ZMYM3: variants seen among roughly 807,000 people sequenced by gnomAD.
ZMYM3 encodes zinc finger MYM-type protein 3.
Under a neutral mutation model 94.2 loss-of-function variants are expected in ZMYM3, and 6 were observed. The observed-to-expected ratio is 0.06, with a 90% CI of 0.03 to 0.13. The LOEUF (loss-of-function observed/expected upper bound fraction) is 0.13, where lower values mean the gene tolerates loss of function less well. ZMYM3 is among the 10% of genes least tolerant of loss of function. The pLI is 1.00. For missense variants in ZMYM3, 664 were observed against 1,132.6 expected (o/e 0.59, Z 5.94); for synonymous variants, 420 against 426.5 (o/e 0.98, Z 0.19).
intron 6 of ZMYM3, 64 bp from the exon 7 acceptor site, chrX:71,249,743 G>A: frequency 8.6e-7 from 1 of 1,163,102 alleles, no homozygotes; most frequent in Non-Finnish European, 1.1e-6. Context: ...CCAATGCAAG[G>A]TCAGCCCCCC....
chrX:71,250,056 A>G lies in ZMYM3; in HGVS notation c.1221T>C (p.Thr407=), dbSNP rs1453894283. 5 of 1,192,669 alleles carry G rather than the reference A, an allele frequency of 4.2e-6. No homozygotes were observed. The South Asian group carries it at 9.4e-5, about 22-fold the overall frequency. ...IPQSGDPADA[T]RCSICQKTGE... is the part of the protein sequence containing the mutation. ...CAGTCTTCTGGCATATGCTGCAGCG[A>G]GTAGCGTCGGCGGGATCCCCAGACT... The change falls in exon 6 of 25, where the codon ACT becomes ACC. Residue 407 remains threonine (T), a synonymous_variant. Coordinates refer to ENST00000314425, the MANE Select transcript of ZMYM3 (RefSeq NM_201599.3).
chrX:71,242,608 T>G (rs778763954), intron 22 of ZMYM3, among the ~76,000 whole-genome samples, 184 bp from the exon 23 acceptor site: 1 of 112,169 alleles, frequency 8.9e-6, no homozygotes, highest in African/African-American at 3.2e-5. Flanking sequence ...CTTTAAAAAA[T>G]ATATACTTTC....
intron 4 of ZMYM3, 79 bp from the exon 5 acceptor site, chrX:71,250,805 C>T: frequency 2.0e-6 from 2 of 980,692 alleles, no homozygotes; most frequent in South Asian, 4.7e-5. Flanking sequence ...AGTTCAGTCC[C>T]TCTCCTGGGA....
At position 71,252,615 on chromosome X, in the gene ZMYM3, C is replaced by A. The variant is rs756533453; in HGVS notation, c.641G>T (p.Ser214Ile). The A allele has an allele frequency of 1.8e-6, 2 of 1,137,525 alleles. No individual in the cohort carries two copies. Among genetic ancestry groups the A allele is most frequent in the Admixed American group, 6.1e-5 (2 of 32,696 alleles). The allele number at this position is 1,137,525 out of a possible 1,213,427, so 93.7% of individuals were successfully genotyped here. ...TGGCAAGGAAGGATGTGCAGGGGGGCTAGAGCCCCCAGGTTTGGTCTGAGA... is the reference window on the plus strand; with the variant it reads ...TGGCAAGGAAGGATGTGCAGGGGGGATAGAGCCCCCAGGTTTGGTCTGAGA... ...NSSQTKPGGS[S>I]PPAHPSLPGD... Residue 214 changes from serine to isoleucine, a missense_variant, in exon 2 of 25, where the codon AGC becomes ATC. By Grantham distance (142) the Ser-to-Ile change is moderately radical. Coordinates refer to ENST00000314425, the MANE Select transcript of ZMYM3 (RefSeq NM_201599.3).
rs769541959 is a variant in ZMYM3, at chrX:71,245,999, G to A, written c.2672C>T (p.Ser891Leu). The change falls in exon 16 of 25, where the codon TCG (serine) becomes TTG (leucine). Residue 891 changes from serine (S) to leucine (L), a missense_variant. Ser to Leu is a moderately radical substitution (Grantham distance 145, BLOSUM62 -2). Around this residue, in one of 9 missense-constraint regions of ZMYM3, gnomAD observed 4 missense variants for 42.2 expected, o/e 0.09. Coordinates refer to ENST00000314425, the MANE Select transcript of ZMYM3 (RefSeq NM_201599.3). ...LYCQKVPVPF[S>L]MPIPVPVPMF... is the part of the protein sequence containing the mutation. ...AGGGAAACTCACCGGGATAGGCATCGAGAAAGGCACCGGGACTTTCTGGCA... is the reference window on the plus strand; with the variant it reads ...AGGGAAACTCACCGGGATAGGCATCAAGAAAGGCACCGGGACTTTCTGGCA... 2.5e-6 allele frequency: 3 copies of A among 1,208,328 alleles called. 1 individual carries two copies. Among genetic ancestry groups the A allele is most frequent in the Admixed American group, 4.4e-5 (2 of 45,615 alleles).
At chrX:71,247,591 C>G in intron 12 of ZMYM3, 81 bp from the exon 13 acceptor site, 1 of 1,151,719 alleles carries the variant, frequency 8.7e-7, no homozygotes, top group Admixed American at 2.4e-5. Context: ...AAGCCATGCT[C>G]CTCCCCTTGG....
chrX:71,241,454 T>C (rs2029943867), intron 23 of ZMYM3, 110 bp from the exon 24 acceptor site: 1 of 566,837 alleles, frequency 1.8e-6, no homozygotes, highest in Non-Finnish European at 2.7e-6. Context: ...CAAATTACAG[T>C]CTCATCAAGA....
Position 71,252,765 on chromosome X carries a change from G to C in ZMYM3, c.491C>G (p.Ser164Cys), listed in dbSNP as rs1163316100. ...GGAGCCCCTTCTTGCAGTAGCTATG[G>C]AGGTGGTCTCCTCCTCTTCAATATG... is the stretch of plus-strand genomic sequence containing the variant. ...SPHIEEEETT[S>C]IATARRGSPG... The change falls in exon 2 of 25, where the codon TCC (serine) becomes TGC (cysteine). Residue 164 changes from serine to cysteine, a missense_variant. By Grantham distance (112) the Ser-to-Cys change is moderately radical. Coordinates refer to ENST00000314425, the MANE Select transcript of ZMYM3 (RefSeq NM_201599.3). 5 of 1,210,708 alleles carry C rather than the reference G, an allele frequency of 4.1e-6. No homozygotes were observed. Among genetic ancestry groups the C allele is most frequent in the Non-Finnish European group, 5.6e-6 (5 of 895,301 alleles).
chrX:71,242,232 C>T lies in ZMYM3; in HGVS notation c.3740G>A (p.Arg1247Gln), dbSNP rs943599196. The change falls in exon 23 of 25, where the codon CGG becomes CAG. Residue 1247 changes from arginine to glutamine, a missense_variant. Arg to Gln is a conservative substitution (Grantham distance 43). Coordinates refer to ENST00000314425, the MANE Select transcript of ZMYM3 (RefSeq NM_201599.3). ...GATGCTCACCACCTTGGTGGTGCCC[C>T]GAGGGGTGGTACACTTGCGGGACTG... is the stretch of plus-strand genomic sequence containing the variant. ...VRQSRKCTTP[R>Q]GTTKVVSIRY... is the part of the protein sequence containing the mutation. 3.3e-6 allele frequency: 4 copies of T among 1,203,360 alleles called. No homozygotes were observed. Among genetic ancestry groups the T allele is most frequent in the East Asian group, 3.0e-5 (1 of 33,461 alleles).
At position 71,242,176 on chromosome X, in the gene ZMYM3, C is replaced by T. The variant is rs1316227219; in HGVS notation, c.3796G>A (p.Gly1266Arg). Reference sequence around the variant, plus strand: ...GGAGGGGGCAGCCTCGTACCTCGCCCTTTCCTCTGGCGGACTGGGGCATAG... The same window carrying T: ...GGAGGGGGCAGCCTCGTACCTCGCCTTTTCCTCTGGCGGACTGGGGCATAG... ...RYYAPVRQRK[G>R]RDTGPGKRKR... Residue 1266 changes from glycine to arginine, a missense_variant, in exon 23 of 25, where the codon GGG (glycine) becomes AGG (arginine). Gly to Arg is a moderately radical substitution (Grantham distance 125). Around this residue, in one of 9 missense-constraint regions of ZMYM3, gnomAD observed 58 missense variants for 112.4 expected, o/e 0.52. Transcript: ENST00000314425. 1.7e-6 allele frequency: 2 copies of T among 1,182,683 alleles called. No individual in the cohort carries two copies. The highest frequency in any genetic ancestry group is 2.3e-6 in the Non-Finnish European group (2 of 881,291).
In ZMYM3 at chrX:71,249,650, C is replaced by T; in HGVS notation, c.1281G>A (p.Val427=). The T allele has an allele frequency of 8.3e-7, 1 of 1,211,478 alleles. No homozygotes were observed. The highest frequency in any genetic ancestry group is 1.1e-6 in the Non-Finnish European group (1 of 895,389). The change falls in exon 7 of 25, where the codon GTG becomes GTA. Residue 427 remains valine (V), a synonymous_variant. Transcript: ENST00000314425. ...EVLHEVSNGS[V]VHRLCSDSCF... is the part of the protein sequence containing the mutation. Reference sequence around the variant, plus strand: ...AAGAATCGCTGCAGAGCCGGTGTACCACGCTGCCATTGCTGACCTCGTGCA... The same window carrying T: ...AAGAATCGCTGCAGAGCCGGTGTACTACGCTGCCATTGCTGACCTCGTGCA...
In ZMYM3 at chrX:71,248,810, TAGAGAGAAAGAG is replaced by T; in HGVS notation, c.1622-21_1622-10del. On this transcript the variant is annotated splice_polypyrimidine_tract_variant and intron_variant, in intron 8 of 24. Coordinates refer to ENST00000314425, the MANE Select transcript of ZMYM3 (RefSeq NM_201599.3). ...GCAGGGTCGGGGAGGGCCTGGGGCA[TAGAGAGAAAGAG>T]AGAGAGGAAAAGAGAAAGAGAGAGG... 6 of 1,174,324 alleles carry T rather than the reference TAGAGAGAAAGAG, an allele frequency of 5.1e-6. No homozygotes were observed. Among genetic ancestry groups the T allele is most frequent in the Non-Finnish European group, 6.9e-6 (6 of 871,286 alleles).
intron 2 of ZMYM3, 93 bp downstream of exon 2, chrX:71,252,496 T>C: frequency 2.1e-6 from 2 of 935,349 alleles, no homozygotes; most frequent in Non-Finnish European, 2.8e-6. Context: ...CTCTCCACCC[T>C]CCTCCTCCCC....
At chrX:71,246,316 G>A in intron 15 of ZMYM3, 37 bp downstream of exon 15, 1 of 1,209,403 alleles carries the variant, frequency 8.3e-7, no homozygotes, top group Non-Finnish European at 1.1e-6. Flanking sequence ...CTAGGACTCT[G>A]GAATACAGCC....
In ZMYM3 at chrX:71,245,725, T is replaced by C; in HGVS notation, c.2803A>G (p.Met935Val). 1 of 1,211,716 alleles carries C rather than the reference T, an allele frequency of 8.3e-7. No individual in the cohort carries two copies. The highest frequency in any genetic ancestry group is 1.1e-6 in the Non-Finnish European group (1 of 895,496). The change falls in exon 17 of 25, where the codon ATG (methionine) becomes GTG (valine). Residue 935 changes from methionine to valine, a missense_variant. Physicochemically the swap from Met to Val is conservative, Grantham distance 21. This residue lies in a region of ZMYM3 where 75 missense variants were observed against 152.5 expected (regional missense o/e 0.49). Transcript: ENST00000314425. ...SNPLEADILA[M>V]AEMIAEAEEL... ...TCAGCCTCTGCAATCATTTCTGCCA[T>C]AGCCAGGATGTCGGCCTCCAAGGGG...
At position 71,251,582 on chromosome X, in the gene ZMYM3, C is replaced by T; in HGVS notation, c.687G>A (p.Lys229=). 1 of 1,193,584 alleles carries T rather than the reference C, an allele frequency of 8.4e-7. No homozygotes were observed. Among genetic ancestry groups the T allele is most frequent in the Non-Finnish European group, 1.1e-6 (1 of 886,400 alleles). The change falls in exon 3 of 25, where the codon AAG becomes AAA. Residue 229 remains lysine, a synonymous_variant. Transcript: ENST00000314425. The part of the protein sequence containing the change: ...PSLPGDGLTA[K]ASEKPPERKR... ...CCCGTTCAGGCGGCTTCTCACTCGC[C>T]TTCGCAGTCAGGCCATCTCCTGCAA...
intron 23 of ZMYM3, 86 bp downstream of exon 23, chrX:71,242,084 C>T (rs111603266): frequency 8.9e-7 from 1 of 1,118,908 alleles, no homozygotes. Flanking sequence ...AGAGGGCCGA[C>T]CTGGCAGGTA....
intron 2 of ZMYM3, among the ~76,000 whole-genome samples, chrX:71,252,366 T>C (rs1488872293): frequency 1.9e-5 from 2 of 104,346 alleles, no homozygotes; most frequent in African/African-American, 3.5e-5. Flanking sequence ...CCTGAAACCT[T>C]ACCCCATTCC....
chrX:71,249,060 C>A lies in ZMYM3; in HGVS notation c.1580G>T (p.Cys527Phe). The change falls in exon 8 of 25, where the codon TGC becomes TTC. Residue 527 changes from cysteine to phenylalanine, a missense_variant. By Grantham distance (205) the Cys-to-Phe change is radical (BLOSUM62 -2). Around this residue, in one of 9 missense-constraint regions of ZMYM3, gnomAD observed 159 missense variants for 313.0 expected, o/e 0.51. Transcript: ENST00000314425. ...NGKTSLFCSL[C>F]CTTSYKVKQA... ...CTTCACTTTGTAAGAAGTGGTACAG[C>A]ACAGGGAACAGAACAAGCTGGTCTT... The A allele has an allele frequency of 2.5e-6, 3 of 1,211,361 alleles. No individual in the cohort carries two copies. Among genetic ancestry groups the A allele is most frequent in the Non-Finnish European group, 3.4e-6 (3 of 895,479 alleles).
Sources: gnomAD v4.1 joint callset for allele counts (sites outside exome capture counted in the v4.1 genomes callset) on GRCh38, gnomAD v4.1.1 for gene constraint, gnomAD v4.1.1 regional missense constraint, MANE v1.5 for transcripts, NCBI Gene and HGNC (gene_info 2026-07-23, HGNC 2026-07-21) for gene names.